Variants in SLC25A36 observed in about 807,000 individuals in gnomAD.
SLC25A36 encodes solute carrier family 25 member 36.
SLC25A36 carries 24 observed loss-of-function variants against 35.3 expected under a neutral mutation model. The ratio of observed to expected loss-of-function variants is 0.68; its 90% confidence interval spans 0.49 to 0.96. The LOEUF (loss-of-function observed/expected upper bound fraction) is 0.96. Among genes scored for constraint, SLC25A36 ranks in the 40% least tolerant of loss-of-function variants. The pLI is 0.00. For synonymous variants in SLC25A36, 141 were observed against 132.2 expected (o/e 1.07, Z -0.46); for missense variants, 294 against 381.1 (o/e 0.77, Z 1.90).
intron 1 of SLC25A36, among the ~76,000 whole-genome samples, chr3:140,944,736 G>A (rs570462871): frequency 6.6e-6 from 1 of 152,094 alleles, no homozygotes; most frequent in South Asian, 2.1e-4. Context: ...TTTAATATAT[G>A]TAGTGAGTAA....
chr3:140,966,278 C>T, intron 4 of SLC25A36: 2 of 221,102 alleles, frequency 9.0e-6, no homozygotes, highest in South Asian at 1.1e-4. Flanking sequence ...GTTAATTCAG[C>T]CAGATGGATG....
At chr3:140,943,046 A>G (rs1202096836) in intron 1 of SLC25A36, among the ~76,000 whole-genome samples, 1 of 152,244 alleles carries the variant, frequency 6.6e-6, no homozygotes, top group Non-Finnish European at 1.5e-5. Flanking sequence ...CTGATTGCCA[A>G]AATGAGTGTT....
intron 3 of SLC25A36, among the ~76,000 whole-genome samples, 183 bp from the exon 4 acceptor site, chr3:140,962,944 A>T (rs1047722549): frequency 6.6e-6 from 1 of 151,974 alleles, no homozygotes; most frequent in African/African-American, 2.4e-5. Flanking sequence ...TCTTATTTTA[A>T]TGAGTCAATA....
Position 140,968,355 on chromosome 3 carries a change from T to C in SLC25A36, c.386-2572T>C, listed in dbSNP as rs947206263. 2.2e-5 allele frequency: 18 copies of C among 820,546 alleles called. No individual in the cohort carries two copies. The African/African-American group carries it at 3.2e-4, about 14-fold the overall frequency. The allele number at this position is 820,546 out of a possible 1,614,324, so 50.8% of individuals were successfully genotyped here. On this transcript the variant is annotated intron_variant, in intron 4 of 6. Transcript: ENST00000324194. ...GCTGGCATTTAGGTTAGTGTCTTTA[T>C]AAAGAGCTAGCTCTCATTGGGAGAG... is the stretch of plus-strand genomic sequence containing the variant.
At chr3:140,960,350 TTTTCC>T (rs1467031003) in intron 3 of SLC25A36, among the ~76,000 whole-genome samples, 1 of 152,202 alleles carries the variant, frequency 6.6e-6, no homozygotes, top group African/African-American at 2.4e-5. Context: ...AAACAAAATA[TTTTCC>T]TTGGGCCAAA....
At chr3:140,952,596 A>G (rs1020606718) in intron 1 of SLC25A36, among the ~76,000 whole-genome samples, 2 of 152,240 alleles carry the variant, frequency 1.3e-5, no homozygotes, top group Non-Finnish European at 2.9e-5. Context: ...ACATAACTAC[A>G]TAGCTAATAT....
intron 1 of SLC25A36, among the ~76,000 whole-genome samples, chr3:140,953,810 A>G (rs1003300127): frequency 6.6e-5 from 10 of 152,268 alleles, no homozygotes; most frequent in Admixed American, 2.0e-4. Flanking sequence ...ATTTTAAAAA[A>G]TTTAAAAAAT....
chr3:140,962,989 A>T, intron 3 of SLC25A36, 138 bp from the exon 4 acceptor site: 1 of 479,958 alleles, frequency 2.1e-6, no homozygotes, highest in South Asian at 3.8e-5. Flanking sequence ...GAAAAGTGTA[A>T]ATCTAATGTT....
At position 140,974,021 on chromosome 3, in the gene SLC25A36, T is replaced by G; in HGVS notation, c.742+16T>G. 2 of 1,487,116 alleles carry G rather than the reference T, an allele frequency of 1.3e-6. No individual in the cohort carries two copies. The highest frequency in any genetic ancestry group is 1.8e-6 in the Non-Finnish European group (2 of 1,110,936). The allele number at this position is 1,487,116 out of a possible 1,614,324, so 92.1% of individuals were successfully genotyped here. On this transcript the variant is annotated intron_variant, in intron 6 of 6. Transcript: ENST00000324194. The stretch of plus-strand genomic sequence containing the variant: ...TATCCACATGGTAAGAAGAGTTATC[T>G]ATTAAATCAGAAATATTTTCCCACC...
chr3:140,976,255 C>T lies in SLC25A36; in HGVS notation c.743-5C>T. 2 of 1,574,466 alleles carry T rather than the reference C, an allele frequency of 1.3e-6. No individual in the cohort carries two copies. Among genetic ancestry groups the T allele is most frequent in the Non-Finnish European group, 1.7e-6 (2 of 1,155,058 alleles). On this transcript the variant is annotated splice_polypyrimidine_tract_variant and splice_region_variant and intron_variant, in intron 6 of 6. Transcript: ENST00000324194. ...AATGTTTAATTTTATTTCTTTCCTACACAGAAGTTGTAAGAACAAGACTAC... is the reference window on the plus strand; with the variant it reads ...AATGTTTAATTTTATTTCTTTCCTATACAGAAGTTGTAAGAACAAGACTAC...
intron 4 of SLC25A36, among the ~76,000 whole-genome samples, chr3:140,967,278 G>T (rs1470122463): frequency 6.6e-6 from 1 of 151,720 alleles, no homozygotes; most frequent in Non-Finnish European, 1.5e-5. Context: ...GACCTCCAAA[G>T]AATGTAATAA....
At chr3:140,972,245 T>C (rs1934923457) in intron 5 of SLC25A36, among the ~76,000 whole-genome samples, 1 of 152,218 alleles carries the variant, frequency 6.6e-6, no homozygotes, top group Non-Finnish European at 1.5e-5. Flanking sequence ...CTTAAAACTC[T>C]TTAATATTAT....
intron 1 of SLC25A36, among the ~76,000 whole-genome samples, chr3:140,952,230 C>T (rs1331689239): frequency 6.6e-6 from 1 of 152,076 alleles, no homozygotes; most frequent in East Asian, 1.9e-4. Flanking sequence ...GTTTGCCAGG[C>T]TGGGCTCGAA....
chr3:140,959,677 AT>A, intron 3 of SLC25A36, 137 bp downstream of exon 3: 2 of 438,432 alleles, frequency 4.6e-6, no homozygotes, highest in Non-Finnish European at 4.1e-6. Flanking sequence ...AAAATACTTA[AT>A]TTTCTTTTTA....
chr3:140,964,102 A>T (rs528434723), intron 4 of SLC25A36: 13 of 152,100 alleles, frequency 8.5e-5, no homozygotes, highest in Non-Finnish European at 1.8e-4. Flanking sequence ...CTATTGATCA[A>T]TAAATTGAAT....
intron 2 of SLC25A36, among the ~76,000 whole-genome samples, chr3:140,958,957 G>A (rs1338656660): frequency 1.7e-5 from 2 of 115,788 alleles, no homozygotes; most frequent in African/African-American, 6.8e-5. Context: ...AAAAAACAAT[G>A]TTTTGTGTGT....
At chr3:140,955,478 A>G (rs749800960) in intron 1 of SLC25A36, among the ~76,000 whole-genome samples, 5 of 152,084 alleles carry the variant, frequency 3.3e-5, no homozygotes, top group African/African-American at 7.2e-5. Context: ...AGAGGAAATT[A>G]TTTTCTACTC....
intron 4 of SLC25A36, among the ~76,000 whole-genome samples, chr3:140,969,465 A>T (rs1331845541): frequency 6.6e-6 from 1 of 151,890 alleles, no homozygotes; most frequent in Non-Finnish European, 1.5e-5. Flanking sequence ...TGTAGAATAT[A>T]TAATCTTTAT....
rs1235366473 is a variant in SLC25A36 at position 140,976,476 on chromosome 3, C to CA, written c.*30dup. On this transcript the variant is annotated 3_prime_UTR_variant, in exon 7 of 7. Coordinates refer to ENST00000324194, the MANE Select transcript of SLC25A36 (RefSeq NM_001104647.3). ...TAGCAGCACGAGGACTGCTGTACTG[C>CA]AAAAAAAGAAGACCAAAAGATTACA... The CA allele has an allele frequency of 7.1e-6, 11 of 1,558,730 alleles. No homozygotes were observed. Among genetic ancestry groups the CA allele is most frequent in the African/African-American group, 4.2e-5 (3 of 72,018 alleles).
Sources: gnomAD v4.1 joint callset for allele counts (sites outside exome capture counted in the v4.1 genomes callset) on GRCh38, gnomAD v4.1.1 for gene constraint, MANE v1.5 for transcripts, NCBI Gene and HGNC (gene_info 2026-07-23, HGNC 2026-07-21) for gene names.